KCNAB1: variants seen among roughly 807,000 people sequenced by gnomAD.
KCNAB1 encodes the protein voltage-gated potassium channel subunit beta-1.
A neutral mutation model predicts 64.6 loss-of-function variants in KCNAB1; 35 were observed. That is an observed-to-expected ratio of 0.54 (90% CI 0.41 to 0.72). KCNAB1 has a LOEUF of 0.72. KCNAB1 is among the 30% of genes least tolerant of loss of function. The pLI is 0.00. For synonymous variants in KCNAB1, 177 were observed against 183.8 expected, an observed-to-expected ratio of 0.96 and a Z score of 0.30; for missense variants, 401 against 512.9, an observed-to-expected ratio of 0.78 and a Z score of 2.11.
At chr3:156,239,353 T>A (rs922032765) in intron 1 of KCNAB1, among the ~76,000 whole-genome samples, 3 of 152,240 alleles carry the variant, frequency 2.0e-5, no homozygotes, top group Non-Finnish European at 4.4e-5. Context: ...GTAGTTTGTA[T>A]TTCTCTATGC....
chr3:156,372,985 C>T (rs548274516), intron 1 of KCNAB1, among the ~76,000 whole-genome samples: 1 of 152,334 alleles, frequency 6.6e-6, no homozygotes, highest in African/African-American at 2.4e-5. Flanking sequence ...ATACAGTGAA[C>T]ATTTACTAAA....
chr3:156,313,853 A>G (rs1028759226), intron 1 of KCNAB1, among the ~76,000 whole-genome samples: 3 of 152,216 alleles, frequency 2.0e-5, no homozygotes, highest in Non-Finnish European at 4.4e-5. Context: ...AAATGGAGGG[A>G]AAAATATTGT....
Position 156,244,351 on chromosome 3 carries a change from A to G in KCNAB1, c.275+123465A>G, listed in dbSNP as rs377674230. Among the ~76,000 whole-genome samples, 19 of 152,236 alleles carry G rather than the reference A, an allele frequency of 1.2e-4. No individual in the cohort carries two copies. The East Asian group carries it at 3.1e-3, about 25-fold the overall frequency. On this transcript the variant is annotated intron_variant, in intron 1 of 13. Coordinates refer to ENST00000490337, the MANE Select transcript of KCNAB1 (RefSeq NM_172160.3). Reference sequence around the variant, plus strand: ...ACTTTCTTCCTCTTGTCTCTGTTTTATAAAGGCTGTTGTGATAACATTGGG... The same window carrying G: ...ACTTTCTTCCTCTTGTCTCTGTTTTGTAAAGGCTGTTGTGATAACATTGGG...
At chr3:156,354,650 A>G (rs1437359540) in intron 1 of KCNAB1, among the ~76,000 whole-genome samples, 1 of 150,690 alleles carries the variant, frequency 6.6e-6, no homozygotes, top group Admixed American at 6.6e-5. Flanking sequence ...TAAAAGGTAC[A>G]CTCAGATGCT....
At chr3:156,392,017 T>C (rs1713076326) in intron 1 of KCNAB1, among the ~76,000 whole-genome samples, 3 of 152,186 alleles carry the variant, frequency 2.0e-5, no homozygotes, top group African/African-American at 7.2e-5. Flanking sequence ...GTGTTCTTGG[T>C]ATAAAGCATG....
At chr3:156,218,579 C>T (rs1048317772) in intron 1 of KCNAB1, among the ~76,000 whole-genome samples, 4 of 152,042 alleles carry the variant, frequency 2.6e-5, no homozygotes, top group East Asian at 1.9e-4. Context: ...TGGAGGCCAA[C>T]GAAAACAAAA....
chr3:156,223,095 G>A (rs1715888878), intron 1 of KCNAB1, among the ~76,000 whole-genome samples: 2 of 152,206 alleles, frequency 1.3e-5, no homozygotes, highest in Non-Finnish European at 2.9e-5. Context: ...AAGGCAGTGT[G>A]TCCGGAGTTT....
At chr3:156,361,589 C>G (rs1446462152) in intron 1 of KCNAB1, among the ~76,000 whole-genome samples, 1 of 152,116 alleles carries the variant, frequency 6.6e-6, no homozygotes, top group Non-Finnish European at 1.5e-5. Context: ...GCCCTACTGC[C>G]CAGAGCAGTG....
chr3:156,373,789 T>A lies in KCNAB1; in HGVS notation c.276-47827T>A, dbSNP rs553320638. On this transcript the variant is annotated intron_variant, in intron 1 of 13. Coordinates refer to ENST00000490337, the MANE Select transcript of KCNAB1 (RefSeq NM_172160.3). ...GCCATCAGCCTTGTACCAAAGGCCC[T>A]TTCTGACCTGCACTGTGGTAGGCCC... Among the ~76,000 whole-genome samples the A allele has an allele frequency of 5.9e-5, 9 of 152,332 alleles. No individual in the cohort carries two copies. In the South Asian group the frequency reaches 6.2e-4, roughly 11 times the overall value.
intron 1 of KCNAB1, among the ~76,000 whole-genome samples, chr3:156,241,458 G>T (rs1257302227): frequency 6.6e-6 from 1 of 152,208 alleles, no homozygotes; most frequent in Non-Finnish European, 1.5e-5. Context: ...CCCTAGGACA[G>T]CTGTGCTGTC....
intron 1 of KCNAB1, among the ~76,000 whole-genome samples, chr3:156,264,905 A>C (rs1001468575): frequency 2.0e-5 from 3 of 152,354 alleles, no homozygotes; most frequent in African/African-American, 7.2e-5. Context: ...AACCTCAGTG[A>C]CCACTTAGCT....
intron 1 of KCNAB1, among the ~76,000 whole-genome samples, chr3:156,337,750 C>G (rs1443448713): frequency 6.6e-6 from 1 of 152,178 alleles, no homozygotes; most frequent in African/African-American, 2.4e-5. Context: ...TAAGTTGTGA[C>G]TCAGCCTCGT....
At chr3:156,295,402 C>T (rs1398789920) in intron 1 of KCNAB1, among the ~76,000 whole-genome samples, 1 of 152,180 alleles carries the variant, frequency 6.6e-6, no homozygotes, top group Non-Finnish European at 1.5e-5. Context: ...ACTAATATAA[C>T]AGCCTATGTT....
intron 7 of KCNAB1, 80 bp from the exon 8 acceptor site, chr3:156,474,654 T>C: frequency 1.0e-6 from 1 of 997,110 alleles, no homozygotes; most frequent in Middle Eastern, 2.1e-4. Context: ...TTAAAGCAAA[T>C]TCTTGAAAGA....
intron 1 of KCNAB1, among the ~76,000 whole-genome samples, chr3:156,318,638 G>C (rs1414354091): frequency 6.6e-6 from 1 of 152,198 alleles, no homozygotes; most frequent in African/African-American, 2.4e-5. Context: ...AGGTTTTGCT[G>C]AATAAATACA....
chr3:156,306,630 T>C (rs1265685856), intron 1 of KCNAB1, among the ~76,000 whole-genome samples: 7 of 152,214 alleles, frequency 4.6e-5, no homozygotes. Flanking sequence ...ATTTCCCAGA[T>C]TAAGCTGAGA....
intron 2 of KCNAB1, among the ~76,000 whole-genome samples, chr3:156,426,461 A>C (rs1715825006): frequency 6.6e-6 from 1 of 152,210 alleles, no homozygotes; most frequent in African/African-American, 2.4e-5. Context: ...ACCTCTGATG[A>C]ACCTACAGTG....
intron 1 of KCNAB1, among the ~76,000 whole-genome samples, chr3:156,165,175 G>A (rs1711505012): frequency 6.7e-6 from 1 of 149,734 alleles, no homozygotes; most frequent in African/African-American, 2.4e-5. Context: ...CTACTTGGGA[G>A]GCTGAGGCAG....
At chr3:156,344,746 A>G (rs1724367732) in intron 1 of KCNAB1, among the ~76,000 whole-genome samples, 1 of 152,206 alleles carries the variant, frequency 6.6e-6, no homozygotes, top group Admixed American at 6.5e-5. Context: ...GGAAAAAAAT[A>G]AAAAGAAATA....
Sources: gnomAD v4.1 joint callset for allele counts (sites outside exome capture counted in the v4.1 genomes callset) on GRCh38, gnomAD v4.1.1 for gene constraint, MANE v1.5 for transcripts, NCBI Gene and HGNC (gene_info 2026-07-23, HGNC 2026-07-21) for gene names.